SOX5: variants seen among roughly 807,000 people sequenced by gnomAD.
SOX5 encodes the protein SRY-box transcription factor 5, also known as transcription factor SOX-5.
Under a neutral mutation model 92.0 loss-of-function variants are expected in SOX5, and 9 were observed. The observed-to-expected ratio is 0.10, with a 90% CI of 0.06 to 0.17. The LOEUF (loss-of-function observed/expected upper bound fraction) is 0.17, where lower values mean the gene tolerates loss of function less well. Among genes scored for constraint, SOX5 ranks in the 10% least tolerant of loss-of-function variants. The probability of loss-of-function intolerance (pLI) is 1.00; values close to 1 mark genes in which losing one functional copy is unlikely to be tolerated. For synonymous variants in SOX5, 344 were observed against 336.3 expected (o/e 1.02, Z -0.25); for missense variants, 642 against 944.5 (o/e 0.68, Z 4.20).
intron 1 of SOX5, among the ~76,000 whole-genome samples, chr12:24,431,389 TTTA>T (rs1233125219): frequency 1.3e-5 from 2 of 152,174 alleles, no homozygotes; most frequent in Non-Finnish European, 2.9e-5. Flanking sequence ...CCTTTTTAGC[TTTA>T]TTAAGGCAAA....
At chr12:24,549,768 A>G (rs1400792818) in intron 1 of SOX5, among the ~76,000 whole-genome samples, 1 of 152,246 alleles carries the variant, frequency 6.6e-6, no homozygotes, top group Non-Finnish European at 1.5e-5. Flanking sequence ...ACCAGACTTA[A>G]GAATCTTAGT....
At chr12:24,089,941 T>C (rs1402386539) in intron 4 of SOX5, among the ~76,000 whole-genome samples, 1 of 152,180 alleles carries the variant, frequency 6.6e-6, no homozygotes, top group Non-Finnish European at 1.5e-5. Flanking sequence ...CTCTGTTATA[T>C]AGGAAATGGA....
intron 6 of SOX5, among the ~76,000 whole-genome samples, chr12:23,673,948 G>A (rs2085231407): frequency 1.3e-5 from 2 of 151,978 alleles, no homozygotes; most frequent in South Asian, 4.2e-4. Context: ...AAAAACCATA[G>A]CAAGTAAAAA....
chr12:24,281,237 GAAA>G (rs71448005), intron 2 of SOX5, among the ~76,000 whole-genome samples: 1 of 97,244 alleles, frequency 1.0e-5, no homozygotes, highest in Non-Finnish European at 2.2e-5. Context: ...TTACCAAAAG[GAAA>G]AAAAAAAAAA....
intron 2 of SOX5, among the ~76,000 whole-genome samples, chr12:23,885,577 G>C (rs987035213): frequency 3.3e-5 from 5 of 152,140 alleles, no homozygotes; most frequent in Non-Finnish European, 7.3e-5. Context: ...ACAAAATCTA[G>C]TCACTTGTGT....
chr12:24,247,000 TA>T (rs1196384160), intron 3 of SOX5, among the ~76,000 whole-genome samples: 1 of 152,076 alleles, frequency 6.6e-6, no homozygotes, highest in African/African-American at 2.4e-5. Context: ...AATCACATTT[TA>T]AAAAAAGAAA....
chr12:23,681,260 T>C lies in SOX5; in HGVS notation c.811-15696A>G, dbSNP rs939901468. ...ATGTTAAATTTTCAAAGAAAACCCA[T>C]AAAAAATAGAAAGATAGTAGATAAT... On this transcript the variant is annotated intron_variant, in intron 6 of 14. Transcript: ENST00000451604. Among the ~76,000 whole-genome samples the C allele has an allele frequency of 2.0e-5, 3 of 151,346 alleles. No homozygotes were observed. In the East Asian group the frequency reaches 5.8e-4, roughly 29 times the overall value.
intron 2 of SOX5, among the ~76,000 whole-genome samples, chr12:24,284,679 G>T (rs774580167): frequency 6.6e-6 from 1 of 152,082 alleles, no homozygotes; most frequent in Non-Finnish European, 1.5e-5. Context: ...GGTTCCAGCT[G>T]CAGTCCAGTG....
At chr12:24,043,068 C>T (rs1355789430) in intron 4 of SOX5, among the ~76,000 whole-genome samples, 1 of 152,122 alleles carries the variant, frequency 6.6e-6, no homozygotes, top group Non-Finnish European at 1.5e-5. Context: ...CCATCAAAGC[C>T]TGAGCCAATT....
intron 4 of SOX5, among the ~76,000 whole-genome samples, chr12:23,991,249 G>A (rs907812423): frequency 2.0e-5 from 3 of 150,968 alleles, no homozygotes; most frequent in Admixed American, 6.6e-5. Flanking sequence ...CATAGCCCCA[G>A]CTACTCAGGA....
At chr12:23,589,625 T>C (rs1337546710) in intron 9 of SOX5, among the ~76,000 whole-genome samples, 1 of 151,940 alleles carries the variant, frequency 6.6e-6, no homozygotes, top group African/African-American at 2.4e-5. Flanking sequence ...ATAGATAATA[T>C]CTCTCCAGTG....
chr12:24,322,842 T>C (rs1030545380), intron 2 of SOX5, among the ~76,000 whole-genome samples: 3 of 152,120 alleles, frequency 2.0e-5, no homozygotes, highest in Non-Finnish European at 2.9e-5. Context: ...AATGTTGTTG[T>C]TGTTTTTTAA....
intron 7 of SOX5, among the ~76,000 whole-genome samples, chr12:23,653,368 TC>T (rs2081932256): frequency 6.6e-6 from 1 of 152,038 alleles, no homozygotes; most frequent in African/African-American, 2.4e-5. Flanking sequence ...GCTGCCTTTA[TC>T]CTTTAGGTTG....
At chr12:24,288,946 T>C (rs1430604449) in intron 2 of SOX5, among the ~76,000 whole-genome samples, 5 of 152,338 alleles carry the variant, frequency 3.3e-5, no homozygotes, top group Middle Eastern at 3.4e-3. Flanking sequence ...ATGGGAGGTA[T>C]CTTTCTTGCT....
At chr12:24,354,948 T>C (rs923525812) in intron 2 of SOX5, among the ~76,000 whole-genome samples, 6 of 152,206 alleles carry the variant, frequency 3.9e-5, no homozygotes, top group Non-Finnish European at 7.3e-5. Flanking sequence ...TTTTTATTTG[T>C]TTCCTTCTAG....
At chr12:23,693,608 T>TTGCTGTGTTTTG (rs1449577482) in intron 6 of SOX5, among the ~76,000 whole-genome samples, 2 of 152,138 alleles carry the variant, frequency 1.3e-5, no homozygotes, top group Non-Finnish European at 2.9e-5. Flanking sequence ...AGTTTTGGAG[T>TTGCTGTGTTTTG]TGCTGTGTTT....
intron 4 of SOX5, among the ~76,000 whole-genome samples, chr12:24,025,522 G>A (rs1011817275): frequency 6.6e-6 from 1 of 151,946 alleles, no homozygotes; most frequent in African/African-American, 2.4e-5. Context: ...TTTAGATACA[G>A]AGAACAGTGA....
At chr12:24,489,206 TA>T (rs754611573) in intron 1 of SOX5, among the ~76,000 whole-genome samples, 9 of 152,218 alleles carry the variant, frequency 5.9e-5, no homozygotes, top group Non-Finnish European at 1.3e-4. Flanking sequence ...TCTCTTTTCC[TA>T]AATGACTCTG....
At chr12:24,137,601 C>T (rs1950220575) in intron 4 of SOX5, among the ~76,000 whole-genome samples, 1 of 152,144 alleles carries the variant, frequency 6.6e-6, no homozygotes, top group Admixed American at 6.5e-5. Flanking sequence ...CACTGCAATC[C>T]TGCCTGGCGA....
Sources: gnomAD v4.1 joint callset for allele counts (sites outside exome capture counted in the v4.1 genomes callset) on GRCh38, gnomAD v4.1.1 for gene constraint, MANE v1.5 for transcripts, NCBI Gene and HGNC (gene_info 2026-07-23, HGNC 2026-07-21) for gene names.